Variants in ASB3 observed in about 807,000 individuals in gnomAD.
ASB3 encodes the protein ankyrin repeat and SOCS box containing 3.
Under a neutral mutation model 54.5 loss-of-function variants are expected in ASB3, and 41 were observed. The observed-to-expected ratio is 0.75, with a 90% confidence interval of 0.59 to 0.98. ASB3 has a LOEUF of 0.98. ASB3 is among the 50% of genes least tolerant of loss of function. The pLI is 0.00. For missense variants in ASB3, 733 were observed against 620.0 expected (o/e 1.18, Z -1.94); for synonymous variants, 266 against 221.2 (o/e 1.20, Z -1.80).
At chr2:53,780,673 G>A (rs543390934) in intron 1 of ASB3, among the ~76,000 whole-genome samples, 1 of 152,256 alleles carries the variant, frequency 6.6e-6, no homozygotes, top group Admixed American at 6.5e-5. Context: ...AGCCACTCTG[G>A]AGGATAAAGC....
At chr2:53,717,588 C>A (rs953775841) in intron 5 of ASB3, among the ~76,000 whole-genome samples, 1 of 152,042 alleles carries the variant, frequency 6.6e-6, no homozygotes, top group African/African-American at 2.4e-5. Flanking sequence ...GTGAACATCT[C>A]CAGATGAAAA....
At chr2:53,741,541 T>C (rs1671933668) in intron 3 of ASB3, among the ~76,000 whole-genome samples, 1 of 152,226 alleles carries the variant, frequency 6.6e-6, no homozygotes, top group Non-Finnish European at 1.5e-5. Context: ...ATAAATCGAC[T>C]GACATTTTGA....
intron 9 of ASB3, among the ~76,000 whole-genome samples, chr2:53,673,054 G>A (rs1173031362): frequency 1.3e-5 from 2 of 152,176 alleles, no homozygotes; most frequent in Non-Finnish European, 2.9e-5. Context: ...TCTGCTGGTA[G>A]GAACACTGGC....
In ASB3 at chr2:53,750,832, C is replaced by A; in HGVS notation, c.306G>T (p.Gly102=). ...CTAAAGTAGTTGCATTAGGATCTGCCCCAGCTTCTAAAAGAATCTGTACGA... is the reference window on the plus strand; with the variant it reads ...CTAAAGTAGTTGCATTAGGATCTGCACCAGCTTCTAAAAGAATCTGTACGA... ...WKIVQILLEA[G]ADPNATTLEE... Residue 102 remains glycine (G), a synonymous_variant, in exon 3 of 10, where the codon GGG becomes GGT. Transcript: ENST00000263634. 6.2e-7 allele frequency: 1 copy of A among 1,601,386 alleles called. No homozygotes were observed. Among genetic ancestry groups the A allele is most frequent in the East Asian group, 2.2e-5 (1 of 44,468 alleles).
intron 2 of ASB3, among the ~76,000 whole-genome samples, chr2:53,752,878 C>T (rs144039837): frequency 2.0e-5 from 3 of 152,146 alleles, no homozygotes; most frequent in African/African-American, 7.2e-5. Flanking sequence ...ACTAAAAGGT[C>T]AGAGACCTAG....
intron 5 of ASB3, among the ~76,000 whole-genome samples, chr2:53,718,182 T>C (rs970841327): frequency 6.6e-6 from 1 of 152,084 alleles, no homozygotes; most frequent in African/African-American, 2.4e-5. Context: ...ATAGAAGCAA[T>C]ACAGAGAACT....
At chr2:53,732,827 G>C (rs77632178) in intron 3 of ASB3, among the ~76,000 whole-genome samples, 8,650 of 152,232 alleles carry the variant, frequency 0.057, 453 homozygotes, top group East Asian at 0.28. Context: ...GTTTAGAAAA[G>C]TGTATTTAGA....
At chr2:53,699,201 C>T (rs866935601) in intron 8 of ASB3, among the ~76,000 whole-genome samples, 3 of 152,260 alleles carry the variant, frequency 2.0e-5, no homozygotes, top group East Asian at 1.9e-4. Context: ...AGCCACCCAC[C>T]AGTCCCATCA....
chr2:53,688,180 T>C (rs1668731116), intron 9 of ASB3, among the ~76,000 whole-genome samples: 2 of 152,230 alleles, frequency 1.3e-5, no homozygotes, highest in South Asian at 4.1e-4. Flanking sequence ...GGTTGTAAGT[T>C]AACTTGGCTA....
At chr2:53,767,860 C>A in intron 1 of ASB3, 1 of 1,589,482 alleles carries the variant, frequency 6.3e-7, no homozygotes, top group Admixed American at 1.8e-5. Flanking sequence ...GGGTTCACGG[C>A]CACTGGGGCA....
chr2:53,748,764 T>A (rs1394782092), intron 3 of ASB3, among the ~76,000 whole-genome samples: 1 of 152,062 alleles, frequency 6.6e-6, no homozygotes, highest in African/African-American at 2.4e-5. Context: ...CAAAGAGACA[T>A]AACAACTAAA....
At chr2:53,676,706 G>C (rs1668097954) in intron 9 of ASB3, among the ~76,000 whole-genome samples, 1 of 152,150 alleles carries the variant, frequency 6.6e-6, no homozygotes, top group South Asian at 2.1e-4. Context: ...AGTCCTGCAA[G>C]TTCCATTCCT....
At chr2:53,695,343 T>C (rs895274368) in intron 8 of ASB3, among the ~76,000 whole-genome samples, 5 of 152,146 alleles carry the variant, frequency 3.3e-5, no homozygotes, top group Middle Eastern at 3.2e-3. Flanking sequence ...TGGGAAAACA[T>C]TTTATTTCTC....
chr2:53,720,590 T>G (rs1347386624), intron 5 of ASB3, among the ~76,000 whole-genome samples: 1 of 152,296 alleles, frequency 6.6e-6, no homozygotes, highest in East Asian at 1.9e-4. Flanking sequence ...GCATCCAGTT[T>G]CATAAAACAA....
chr2:53,767,905 G>A (rs373020166), intron 1 of ASB3: 7 of 1,612,676 alleles, frequency 4.3e-6, no homozygotes, highest in East Asian at 4.5e-5. Flanking sequence ...TTTTGGTTAC[G>A]GGTCCCTGAT....
chr2:53,705,310 C>T lies in ASB3; in HGVS notation c.981-4782G>A, dbSNP rs150326175. Among the ~76,000 whole-genome samples, 107 of 152,188 alleles carry T rather than the reference C, an allele frequency of 7.0e-4. No homozygotes were observed. In the East Asian group the frequency reaches 0.019, roughly 27 times the overall value. ...AAAGAAAATCGCTCATATGCCCTTTCGATAGCACAAAAACAAATTGTAATT... is the reference window on the plus strand; with the variant it reads ...AAAGAAAATCGCTCATATGCCCTTTTGATAGCACAAAAACAAATTGTAATT... On this transcript the variant is annotated intron_variant, in intron 7 of 9. Transcript: ENST00000263634.
intron 3 of ASB3, among the ~76,000 whole-genome samples, chr2:53,741,612 G>C (rs960685786): frequency 1.3e-5 from 2 of 152,098 alleles, no homozygotes; most frequent in Admixed American, 1.3e-4. Context: ...CTGGGGTTGA[G>C]GGAGATTTTA....
chr2:53,689,756 G>A (rs1668810731), intron 9 of ASB3, among the ~76,000 whole-genome samples: 1 of 152,074 alleles, frequency 6.6e-6, no homozygotes, highest in South Asian at 2.1e-4. Context: ...TCCTCATAAT[G>A]TTCCTGGAGT....
At chr2:53,774,383 G>A in intron 1 of ASB3, 1 of 1,613,588 alleles carries the variant, frequency 6.2e-7, no homozygotes, top group South Asian at 1.1e-5. Context: ...GCTGGTCCAA[G>A]TGGAAGAAAT....
Sources: gnomAD v4.1 joint callset for allele counts (sites outside exome capture counted in the v4.1 genomes callset) on GRCh38, gnomAD v4.1.1 for gene constraint, MANE v1.5 for transcripts, NCBI Gene and HGNC (gene_info 2026-07-23, HGNC 2026-07-21) for gene names.